The following KCNMB2 variants were observed in gnomAD, a reference collection of about 807,000 sequenced individuals.
KCNMB2 encodes potassium calcium-activated channel subfamily M regulatory beta subunit 2.
KCNMB2 carries 9 observed loss-of-function variants against 24.5 expected under a neutral mutation model. That is an observed-to-expected ratio of 0.37 (90% CI 0.22 to 0.64). KCNMB2 has a LOEUF of 0.64. KCNMB2 is among the 30% of genes least tolerant of loss of function. The pLI is 0.63. For synonymous variants in KCNMB2, 109 were observed against 104.4 expected, an observed-to-expected ratio of 1.04 and a Z score of -0.27; for missense variants, 226 against 284.3, an observed-to-expected ratio of 0.79 and a Z score of 1.47.
intron 1 of KCNMB2, among the ~76,000 whole-genome samples, chr3:178,781,859 A>G (rs1383223963): frequency 6.7e-6 from 1 of 149,776 alleles, no homozygotes; most frequent in East Asian, 2.0e-4. Flanking sequence ...TTACATATGT[A>G]TACATGTGCC....
intron 1 of KCNMB2, among the ~76,000 whole-genome samples, chr3:178,575,821 C>A (rs970457480): frequency 3.9e-5 from 6 of 152,072 alleles, no homozygotes; most frequent in Admixed American, 3.9e-4. Flanking sequence ...ATTTTTATGT[C>A]CATATATTTA....
intron 1 of KCNMB2, among the ~76,000 whole-genome samples, chr3:178,576,388 C>T (rs540073682): frequency 1.1e-4 from 17 of 152,208 alleles, no homozygotes; most frequent in Admixed American, 5.9e-4. Context: ...CACCAGGGAC[C>T]GGGGTTTCAA....
chr3:178,736,509 C>T (rs1723321201), intron 1 of KCNMB2, among the ~76,000 whole-genome samples: 1 of 152,206 alleles, frequency 6.6e-6, no homozygotes, highest in Admixed American at 6.5e-5. Flanking sequence ...CTAAGCCCCA[C>T]AAGCTATACA....
chr3:178,539,931 C>A (rs930164973), intron 1 of KCNMB2, among the ~76,000 whole-genome samples: 2 of 152,106 alleles, frequency 1.3e-5, no homozygotes, highest in Non-Finnish European at 2.9e-5. Flanking sequence ...AATCAAGTGT[C>A]AAGCCCTCAG....
At chr3:178,828,494 C>G (rs1334477864) in intron 4 of KCNMB2, 121 bp downstream of exon 4, 2 of 657,230 alleles carry the variant, frequency 3.0e-6, no homozygotes, top group Admixed American at 6.1e-5. Context: ...CAGAGCCTGC[C>G]TCTTCCATTC....
intron 1 of KCNMB2, among the ~76,000 whole-genome samples, chr3:178,602,196 G>T (rs1450119305): frequency 6.9e-6 from 1 of 144,164 alleles, no homozygotes; most frequent in East Asian, 2.1e-4. Context: ...CCAATCTAGG[G>T]TAACTATCTC....
chr3:178,768,239 T>G (rs1472175628), intron 1 of KCNMB2, among the ~76,000 whole-genome samples: 2 of 152,142 alleles, frequency 1.3e-5, no homozygotes, highest in South Asian at 2.1e-4. Context: ...GGTTTTCCCC[T>G]GATTCCCTAT....
chr3:178,638,577 C>G lies in KCNMB2; in HGVS notation c.-68+101866C>G, dbSNP rs527412423. Reference sequence around the variant, plus strand: ...TGCAATTCTCTTATGGCACTTCTCACTTTTTATGATAAAATACTCACTAAA... The same window carrying G: ...TGCAATTCTCTTATGGCACTTCTCAGTTTTTATGATAAAATACTCACTAAA... On this transcript the variant is annotated intron_variant, in intron 1 of 4. Coordinates refer to ENST00000452583, the MANE Select transcript of KCNMB2 (RefSeq NM_181361.3). 4.9e-4 allele frequency among the ~76,000 whole-genome samples: 74 copies of G among 152,294 alleles called. 1 individual carries two copies. The highest frequency in any genetic ancestry group is 1.7e-3 in the African/African-American group (70 of 41,570).
At position 178,724,827 on chromosome 3, in the gene KCNMB2, A is replaced by C. The variant is rs561219999; in HGVS notation, c.-67-82516A>C. Among the ~76,000 whole-genome samples, 297 of 152,012 alleles carry C rather than the reference A, an allele frequency of 2.0e-3. 1 individual carries two copies. The highest frequency in any genetic ancestry group is 6.8e-3 in the African/African-American group (283 of 41,480). Reference sequence around the variant, plus strand: ...CATTTTGTTGTGGGTGTGCAGGTTTATTTCAGGGGTCTGTATTCTCTTCCA... The same window carrying C: ...CATTTTGTTGTGGGTGTGCAGGTTTCTTTCAGGGGTCTGTATTCTCTTCCA... On this transcript the variant is annotated intron_variant, in intron 1 of 4. Transcript: ENST00000452583.
intron 1 of KCNMB2, among the ~76,000 whole-genome samples, chr3:178,777,792 C>T (rs556253734): frequency 5.3e-5 from 8 of 152,252 alleles, no homozygotes; most frequent in Admixed American, 4.6e-4. Context: ...TAAATAGGTG[C>T]TTATAGTAAT....
chr3:178,828,051 G>C, intron 3 of KCNMB2, 127 bp from the exon 4 acceptor site: 3 of 730,488 alleles, frequency 4.1e-6, no homozygotes, highest in Non-Finnish European at 6.8e-6. Context: ...ACTTTACACA[G>C]ATAGATCATA....
chr3:178,794,221 T>TG (rs1713441593), intron 1 of KCNMB2, among the ~76,000 whole-genome samples: 1 of 152,138 alleles, frequency 6.6e-6, no homozygotes, highest in African/African-American at 2.4e-5. Flanking sequence ...TCCTGATGTC[T>TG]GGGTCATTCT....
intron 1 of KCNMB2, among the ~76,000 whole-genome samples, chr3:178,564,069 G>C (rs1414522858): frequency 6.6e-6 from 1 of 152,006 alleles, no homozygotes; most frequent in Non-Finnish European, 1.5e-5. Flanking sequence ...CACGAGGTCA[G>C]GAGTTCGAGA....
rs867626624 is a variant in KCNMB2 at position 178,759,305 on chromosome 3, A to C, written c.-67-48038A>C. On this transcript the variant is annotated intron_variant, in intron 1 of 4. Transcript: ENST00000452583. ...TCTCTCCAAGAGGAGACATATATAT[A>C]TCTCCAAGAGGATATATATATATAT... 6.0e-3 allele frequency among the ~76,000 whole-genome samples: 605 copies of C among 101,304 alleles called. 49 individuals are homozygous for C. Among genetic ancestry groups the C allele is most frequent in the African/African-American group, 0.023 (584 of 25,514 alleles). 66.5% of individuals were successfully genotyped at this position (101,304 alleles called of 152,430 possible). A position where few individuals can be genotyped will look rare whatever the true frequency, so the allele number is the denominator to read the frequency against.
chr3:178,727,600 G>T (rs1723006001), intron 1 of KCNMB2, among the ~76,000 whole-genome samples: 1 of 152,154 alleles, frequency 6.6e-6, no homozygotes, highest in Non-Finnish European at 1.5e-5. Flanking sequence ...GACTAAGGAA[G>T]AAAAGTCAGA....
intron 1 of KCNMB2, among the ~76,000 whole-genome samples, chr3:178,739,131 G>A (rs1723413092): frequency 6.6e-6 from 1 of 151,074 alleles, no homozygotes; most frequent in African/African-American, 2.4e-5. Context: ...ATATCAGCAG[G>A]AGGTAGAAAG....
intron 1 of KCNMB2, among the ~76,000 whole-genome samples, chr3:178,717,837 G>T (rs1722669488): frequency 6.6e-6 from 1 of 151,200 alleles, no homozygotes; most frequent in African/African-American, 2.4e-5. Flanking sequence ...TAAGTTATGG[G>T]AACTTAGGCA....
intron 2 of KCNMB2, chr3:178,820,789 C>T (rs1212772982): frequency 6.6e-6 from 1 of 152,272 alleles, no homozygotes; most frequent in African/African-American, 2.4e-5. Context: ...TTATCACAAA[C>T]ACTTTTGTTA....
At chr3:178,568,558 A>T (rs1716611434) in intron 1 of KCNMB2, among the ~76,000 whole-genome samples, 1 of 152,130 alleles carries the variant, frequency 6.6e-6, no homozygotes, top group African/African-American at 2.4e-5. Flanking sequence ...TGCTATAATC[A>T]TGGGGATAGT....
Sources: allele counts gnomAD v4.1 joint callset (sites outside exome capture counted in the v4.1 genomes callset), GRCh38; gene constraint gnomAD v4.1.1; transcripts MANE v1.5; gene names NCBI Gene and HGNC (gene_info 2026-07-23, HGNC 2026-07-21).